SCN3B: variants seen among roughly 807,000 people sequenced by gnomAD.
SCN3B encodes the protein sodium channel regulatory subunit beta-3.
A neutral mutation model predicts 25.4 loss-of-function variants in SCN3B; 11 were observed. The ratio of observed to expected loss-of-function variants is 0.43; its 90% CI spans 0.27 to 0.72. SCN3B has a LOEUF of 0.72. Ranked by LOEUF, SCN3B falls within the 30% of genes least tolerant of loss-of-function variation. SCN3B has a pLI of 0.18. For synonymous variants in SCN3B, 109 were observed against 110.7 expected (o/e 0.99, Z 0.09); for missense variants, 218 against 278.3 (o/e 0.78, Z 1.54).
At position 123,645,514 on chromosome 11, in the gene SCN3B, C is replaced by T. The variant is rs568631140; in HGVS notation, c.219+73G>A. The T allele has an allele frequency of 4.1e-5, 62 of 1,504,966 alleles. 1 individual carries two copies. Among genetic ancestry groups the T allele is most frequent in the South Asian group, 3.5e-4 (31 of 88,514 alleles). The allele number at this position is 1,504,966 out of a possible 1,614,324, so 93.2% of individuals were successfully genotyped here. Reference sequence around the variant, plus strand: ...CAGTGTTTGCTAGCTTGGCATCCCCCGGACTGTCAGGAGCCAGGCTGGGAA... The same window carrying T: ...CAGTGTTTGCTAGCTTGGCATCCCCTGGACTGTCAGGAGCCAGGCTGGGAA... On this transcript the variant is annotated intron_variant, in intron 3 of 6. Transcript: ENST00000299333.
chr11:123,639,595 C>T (rs1955764655), intron 4 of SCN3B: 2 of 152,366 alleles, frequency 1.3e-5, no homozygotes, highest in Non-Finnish European at 2.9e-5. Context: ...CCAGGCTGGT[C>T]TCGAACTCCT....
chr11:123,652,893 C>G lies in SCN3B; in HGVS notation c.55+854G>C, dbSNP rs545280435. 5.9e-5 allele frequency among the ~76,000 whole-genome samples: 9 copies of G among 152,282 alleles called. No homozygotes were observed. In the South Asian group the frequency reaches 1.4e-3, roughly 25 times the overall value. ...ATATTTACATACAGTAAAACATTGT[C>G]TCAATCACACAATCAGACATTATCA... On this transcript the variant is annotated intron_variant, in intron 2 of 6. Transcript: ENST00000299333.
At position 123,650,503 on chromosome 11, in the gene SCN3B, G is replaced by A. The variant is rs142588287; in HGVS notation, c.55+3244C>T. On this transcript the variant is annotated intron_variant, in intron 2 of 6. Coordinates refer to ENST00000299333, the MANE Select transcript of SCN3B (RefSeq NM_001040151.2). ...ACTTAGGGCCTTGAATAGGATGCAC[G>A]AAAGATCACCAGGGGAAGAGAGGAA... 3.7e-4 allele frequency among the ~76,000 whole-genome samples: 57 copies of A among 152,312 alleles called. No individual in the cohort carries two copies. The East Asian group carries it at 0.01, about 27-fold the overall frequency.
intron 3 of SCN3B, among the ~76,000 whole-genome samples, chr11:123,644,288 GC>G (rs1266349440): frequency 6.6e-6 from 1 of 152,172 alleles, no homozygotes; most frequent in Non-Finnish European, 1.5e-5. Flanking sequence ...CCTGGTAACA[GC>G]CCTATAATTT....
intron 2 of SCN3B, among the ~76,000 whole-genome samples, chr11:123,649,706 T>A (rs1014239484): frequency 6.6e-6 from 1 of 151,506 alleles, no homozygotes; most frequent in Non-Finnish European, 1.5e-5. Flanking sequence ...TGTCTCTCTC[T>A]CTTTCTTTTT....
At chr11:123,644,426 CCA>C (rs1349311170) in intron 3 of SCN3B, among the ~76,000 whole-genome samples, 1 of 152,082 alleles carries the variant, frequency 6.6e-6, no homozygotes, top group Non-Finnish European at 1.5e-5. Flanking sequence ...TGGCCTGGCT[CCA>C]CAGTCAGTGA....
chr11:123,642,853 G>A lies in SCN3B; in HGVS notation c.220-182C>T, dbSNP rs1418159761. Among the ~76,000 whole-genome samples, 1 of 152,078 alleles carries A rather than the reference G, an allele frequency of 6.6e-6. No individual in the cohort carries two copies. The highest frequency in any genetic ancestry group is 1.5e-5 in the Non-Finnish European group (1 of 68,008). ...ATGAAGAGGCACAGAGGAGGGTAGG[G>A]AAGGGAGCAAAGACAGGGAAGGACA... On this transcript the variant is annotated intron_variant, in intron 3 of 6. Coordinates refer to ENST00000299333, the MANE Select transcript of SCN3B (RefSeq NM_001040151.2). The surrounding 1 kb of genome is among the most constrained non-coding windows in gnomAD (Gnocchi z 4.3).
intron 4 of SCN3B, chr11:123,639,558 A>T (rs1178551981): frequency 6.6e-6 from 1 of 152,140 alleles, no homozygotes; most frequent in Non-Finnish European, 1.5e-5. Flanking sequence ...TTATACTTTT[A>T]GTAGAGACGG....
chr11:123,647,331 A>C (rs1247307473), intron 2 of SCN3B, among the ~76,000 whole-genome samples: 1 of 152,138 alleles, frequency 6.6e-6, no homozygotes, highest in Non-Finnish European at 1.5e-5. Context: ...AAATAAAATA[A>C]AAATTAGCCA....
chr11:123,651,197 CTT>C (rs912564395), intron 2 of SCN3B, among the ~76,000 whole-genome samples: 1 of 151,464 alleles, frequency 6.6e-6, no homozygotes, highest in African/African-American at 2.4e-5. Flanking sequence ...AATAAGGAAA[CTT>C]TTTTTCATGC....
chr11:123,638,476 A>G lies in SCN3B; in HGVS notation c.446-152T>C, dbSNP rs921162505. ...ATTCCAAATCCTGACTCTCCCGCCC[A>G]TTGGCTTTCTCACTGACTGTCATCA... On this transcript the variant is annotated intron_variant, in intron 4 of 6. Coordinates refer to ENST00000299333, the MANE Select transcript of SCN3B (RefSeq NM_001040151.2). 3.6e-5 allele frequency: 38 copies of G among 1,052,770 alleles called. No homozygotes were observed. In the Admixed American group the frequency reaches 6.0e-4, roughly 17 times the overall value. The allele number at this position is 1,052,770 out of a possible 1,614,324, so 65.2% of individuals were successfully genotyped here.
chr11:123,653,379 CAGG>C (rs1172539384), intron 2 of SCN3B, among the ~76,000 whole-genome samples: 4 of 150,696 alleles, frequency 2.7e-5, no homozygotes, highest in African/African-American at 9.8e-5. Context: ...GTAAGCTTTC[CAGG>C]AGTATAGACT....
chr11:123,640,111 C>T (rs1302485267), intron 4 of SCN3B: 2 of 152,194 alleles, frequency 1.3e-5, no homozygotes, highest in African/African-American at 4.8e-5. Context: ...CCAGGATCAC[C>T]CAGGTTTCCA....
At chr11:123,634,083 C>T (rs1955699687) in intron 6 of SCN3B, 38 bp downstream of exon 6, 3 of 1,512,136 alleles carry the variant, frequency 2.0e-6, no homozygotes, top group Non-Finnish European at 1.8e-6. Flanking sequence ...AACCTGCCAT[C>T]CACATCTGCC....
intron 5 of SCN3B, among the ~76,000 whole-genome samples, chr11:123,637,159 G>A (rs1565494374): frequency 6.6e-6 from 1 of 152,066 alleles, no homozygotes; most frequent in South Asian, 2.1e-4. Context: ...AGACCCCACC[G>A]TTTCTCAAAT....
intron 2 of SCN3B, 70 bp from the exon 3 acceptor site, chr11:123,645,820 G>A: frequency 6.5e-7 from 1 of 1,543,666 alleles, no homozygotes; most frequent in South Asian, 1.1e-5. Flanking sequence ...GAGAAACATT[G>A]GAGAAGAAGG....
intron 2 of SCN3B, among the ~76,000 whole-genome samples, chr11:123,652,911 CATT>C (rs2137256335): frequency 6.6e-6 from 1 of 152,298 alleles, no homozygotes; most frequent in East Asian, 1.9e-4. Flanking sequence ...CACAATCAGA[CATT>C]ATCACATAGA....
chr11:123,644,537 C>T (rs1024979641), intron 3 of SCN3B, among the ~76,000 whole-genome samples: 17 of 151,960 alleles, frequency 1.1e-4, no homozygotes, highest in South Asian at 2.1e-4. Flanking sequence ...TTTGGGAGGC[C>T]GAGGTGGGTG....
chr11:123,633,905 G>T, intron 6 of SCN3B, 129 bp from the exon 7 acceptor site: 1 of 499,034 alleles, frequency 2.0e-6, no homozygotes, highest in Admixed American at 3.0e-5. Context: ...AGTTCAGATT[G>T]CCTCGACACT....
Sources: allele counts gnomAD v4.1 joint callset (sites outside exome capture counted in the v4.1 genomes callset), GRCh38; gene constraint gnomAD v4.1.1; non-coding constraint Gnocchi (gnomAD v3.1); transcripts MANE v1.5; gene names NCBI Gene and HGNC (gene_info 2026-07-23, HGNC 2026-07-21).